Variants in BYSL observed in about 807,000 individuals in gnomAD.
BYSL encodes bystin.
A neutral mutation model predicts 45.4 loss-of-function variants in BYSL; 21 were observed. The ratio of observed to expected loss-of-function variants is 0.46; its 90% CI spans 0.33 to 0.67. BYSL has a LOEUF of 0.67. Among genes scored for constraint, BYSL ranks in the 30% least tolerant of loss-of-function variants. BYSL has a pLI of 0.02. For missense variants in BYSL, 522 were observed against 578.5 expected (o/e 0.90, Z 1.00); for synonymous variants, 215 against 231.3 (o/e 0.93, Z 0.64).
Position 41,927,395 on chromosome 6 carries a change from G to T in BYSL, c.290G>T (p.Gly97Val). The T allele has an allele frequency of 6.2e-7, 1 of 1,614,148 alleles. No individual in the cohort carries two copies. The highest frequency in any genetic ancestry group is 1.1e-5 in the South Asian group (1 of 91,080). The change falls in exon 2 of 7, where the codon GGA (glycine) becomes GTA (valine). Residue 97 changes from glycine to valine, a missense_variant. Physicochemically the swap from Gly to Val is moderately radical, Grantham distance 109. Coordinates refer to ENST00000230340, the MANE Select transcript of BYSL (RefSeq NM_004053.4). Reference sequence around the variant, plus strand: ...CTAGGTCCAAGAATGCCTCAGGATGGATCAGATGACGAGGACGAGGAGTGG... The same window carrying T: ...CTAGGTCCAAGAATGCCTCAGGATGTATCAGATGACGAGGACGAGGAGTGG... ...TRLGPRMPQD[G>V]SDDEDEEWPT...
rs140064875 is a variant in BYSL, at chr6:41,926,291, T to C, written c.269-1083T>C. ...TAGAATAGTGGTGAAGAATGCAGTC[T>C]AGACCCAGACTACCTGTCTTGGGCA... is the stretch of plus-strand genomic sequence containing the variant. On this transcript the variant is annotated intron_variant, in intron 1 of 6. Coordinates refer to ENST00000230340, the MANE Select transcript of BYSL (RefSeq NM_004053.4). 8.5e-4 allele frequency among the ~76,000 whole-genome samples: 130 copies of C among 152,302 alleles called. 1 individual carries two copies. The highest frequency in any genetic ancestry group is 3.0e-3 in the African/African-American group (126 of 41,572).
intron 1 of BYSL, 47 bp from the exon 2 acceptor site, chr6:41,927,327 T>A: frequency 6.2e-7 from 1 of 1,603,992 alleles, no homozygotes; most frequent in Non-Finnish European, 8.5e-7. Flanking sequence ...ACGAAATCCC[T>A]CAGCTACCTT....
At chr6:41,927,753 A>C in intron 2 of BYSL, 1 of 513,948 alleles carries the variant, frequency 1.9e-6, no homozygotes, top group South Asian at 2.5e-5. Flanking sequence ...CATTTGTTGT[A>C]CAACTGCCCA....
chr6:41,914,721 GA>G, the BYSL span, among the ~76,000 whole-genome samples: 1,635 of 130,752 alleles, frequency 0.013, 25 homozygotes, highest in African/African-American at 0.04. Flanking sequence ...ACTCTAAAAA[GA>G]AAAAAAAAAA....
In BYSL at chr6:41,931,442, A is replaced by C. The variant is rs778514668; in HGVS notation, c.751A>C (p.Asn251His). Residue 251 changes from asparagine (N) to histidine (H), a missense_variant, in exon 5 of 7, where the codon AAC becomes CAC. Transcript: ENST00000230340. ...LKERMAQRFY[N>H]LVLLPRVRDD... is the part of the protein sequence containing the mutation. ...GGAACGCATGGCCCAGCGCTTCTAC[A>C]ACCTTGTCCTGCTCCCTCGAGTACG... The C allele has an allele frequency of 6.2e-7, 1 of 1,614,144 alleles. No individual in the cohort carries two copies. The highest frequency in any genetic ancestry group is 1.1e-5 in the South Asian group (1 of 91,078).
upstream of BYSL, chr6:41,917,773 G>A (rs150043896): frequency 1.0e-3 from 492 of 471,356 alleles, 3 homozygotes; most frequent in African/African-American, 8.4e-3. Context: ...AAAAGTCTCC[G>A]TTTGGGTTAA....
Position 41,930,286 on chromosome 6 carries a change from G to A in BYSL, c.570+16G>A, listed in dbSNP as rs766847529. 3.1e-6 allele frequency: 5 copies of A among 1,611,334 alleles called. No homozygotes were observed. Among genetic ancestry groups the A allele is most frequent in the African/African-American group, 1.3e-5 (1 of 74,940 alleles). ...GGTCCGGGAGGTAAGAGCTGAGAGG[G>A]GAGCCATGGTGGAAGACCCCTTTGG... On this transcript the variant is annotated intron_variant, in intron 3 of 6. Coordinates refer to ENST00000230340, the MANE Select transcript of BYSL (RefSeq NM_004053.4).
the BYSL span, among the ~76,000 whole-genome samples, chr6:41,909,998 G>A: frequency 6.6e-6 from 1 of 152,144 alleles, no homozygotes; most frequent in Admixed American, 6.5e-5. Flanking sequence ...TTGAGATCTA[G>A]TAAATGGTCC....
At position 41,931,599 on chromosome 6, in the gene BYSL, T is replaced by C. The variant is rs1313579797; in HGVS notation, c.865+43T>C. On this transcript the variant is annotated intron_variant, in intron 5 of 6. Transcript: ENST00000230340. ...CGGAAGAAAGGGAAGGGCTGGAGCT[T>C]CTATGGGGAACACAGCAGGCCTGGT... 9 of 1,613,678 alleles carry C rather than the reference T, an allele frequency of 5.6e-6. No individual in the cohort carries two copies. The South Asian group carries it at 6.6e-5, about 12-fold the overall frequency.
chr6:41,927,843 G>A (rs1384186525), intron 2 of BYSL, among the ~76,000 whole-genome samples: 4 of 152,138 alleles, frequency 2.6e-5, no homozygotes, highest in African/African-American at 4.8e-5. Flanking sequence ...GGTATTCTTA[G>A]TTTTTTTAGC....
Position 41,921,592 on chromosome 6 carries a change from G to C in BYSL, c.30G>C (p.Val10=), listed in dbSNP as rs1775473909. The C allele has an allele frequency of 6.3e-7, 1 of 1,595,454 alleles. No individual in the cohort carries two copies. Among genetic ancestry groups the C allele is most frequent in the Non-Finnish European group, 8.6e-7 (1 of 1,168,682 alleles). MPKFKAARG[V]GGQEKHAPLA... is the part of the protein sequence containing the mutation. ...CCAAATTCAAGGCGGCCCGTGGGGTGGGGGGTCAGGAAAAACATGCGCCCC... is the reference window on the plus strand; with the variant it reads ...CCAAATTCAAGGCGGCCCGTGGGGTCGGGGGTCAGGAAAAACATGCGCCCC... Residue 10 remains valine, a synonymous_variant, in exon 1 of 7, where the codon GTG becomes GTC. Transcript: ENST00000230340.
the BYSL span, chr6:41,908,821 A>G: frequency 5.9e-6 from 1 of 169,438 alleles, no homozygotes; most frequent in Non-Finnish European, 1.3e-5. Context: ...AAAGGATAAA[A>G]GATTCACGAA....
chr6:41,916,939 A>G (rs1775330147), upstream of BYSL: 1 of 1,613,896 alleles, frequency 6.2e-7, no homozygotes, highest in Non-Finnish European at 8.5e-7. Context: ...TCTGGGACAC[A>G]CTGGAAAGGA....
chr6:41,909,383 C>T, the BYSL span: 1 of 1,614,094 alleles, frequency 6.2e-7, no homozygotes, highest in Non-Finnish European at 8.5e-7. Flanking sequence ...CCTTAGCACT[C>T]TGGAAAAAGC....
intron 2 of BYSL, among the ~76,000 whole-genome samples, chr6:41,928,250 A>G (rs1378283039): frequency 6.6e-6 from 1 of 152,202 alleles, no homozygotes; most frequent in Non-Finnish European, 1.5e-5. Flanking sequence ...GTCCTCAACC[A>G]GTTCATTCTG....
At chr6:41,909,187 G>C in the BYSL span, 2 of 1,383,442 alleles carry the variant, frequency 1.4e-6, no homozygotes, top group African/African-American at 1.5e-5. Context: ...AAAAAAAAAA[G>C]AGAAGAACTG....
intron 2 of BYSL, among the ~76,000 whole-genome samples, chr6:41,928,672 A>G (rs1775595925): frequency 6.6e-6 from 1 of 152,198 alleles, no homozygotes; most frequent in Non-Finnish European, 1.5e-5. Flanking sequence ...ATCCACATGA[A>G]TTCAACAATC....
chr6:41,924,396 A>G (rs1052111779), intron 1 of BYSL, among the ~76,000 whole-genome samples: 2 of 152,068 alleles, frequency 1.3e-5, no homozygotes, highest in Non-Finnish European at 1.5e-5. Flanking sequence ...TTAACCCAAT[A>G]TATTTATATG....
At chr6:41,931,689 A>G (rs777798786) in intron 5 of BYSL, 39 bp from the exon 6 acceptor site, 51 of 1,608,198 alleles carry the variant, frequency 3.2e-5, no homozygotes, top group Non-Finnish European at 4.2e-5. Flanking sequence ...CCTTTTTCTC[A>G]TCCTGGGCTC....
Sources: allele counts gnomAD v4.1 joint callset (sites outside exome capture counted in the v4.1 genomes callset), GRCh38; gene constraint gnomAD v4.1.1; transcripts MANE v1.5; gene names NCBI Gene and HGNC (gene_info 2026-07-23, HGNC 2026-07-21).